Variants in GC observed in about 807,000 individuals in gnomAD.
GC encodes the protein GC vitamin D binding protein, also known as vitamin D-binding protein.
In GC, 43 loss-of-function variants were observed where a neutral mutation model predicts 56.7. That is an observed-to-expected ratio of 0.76 (90% confidence interval 0.59 to 0.98). GC has a LOEUF of 0.98. Ranked by LOEUF, GC falls within the 50% of genes least tolerant of loss-of-function variation. The pLI, the probability that GC is intolerant of heterozygous loss-of-function variation, is 0.00. For synonymous variants in GC, 216 were observed against 202.7 expected, an observed-to-expected ratio of 1.07 and a Z score of -0.56; for missense variants, 529 against 545.9, an observed-to-expected ratio of 0.97 and a Z score of 0.31.
chr4:71,768,197 G>T, intron 3 of GC, 104 bp downstream of exon 3: 1 of 848,644 alleles, frequency 1.2e-6, no homozygotes, highest in Non-Finnish European at 1.8e-6. Context: ...CAAACTAGGA[G>T]TAAATGGAGT....
At chr4:71,756,362 A>G (rs1741768736) in intron 8 of GC, among the ~76,000 whole-genome samples, 1 of 152,206 alleles carries the variant, frequency 6.6e-6, no homozygotes, top group Non-Finnish European at 1.5e-5. Context: ...TCTGTGTGCT[A>G]AGTAAGGCAA....
intron 11 of GC, among the ~76,000 whole-genome samples, chr4:71,752,018 A>T (rs1412387559): frequency 6.6e-6 from 1 of 152,094 alleles, no homozygotes; most frequent in African/African-American, 2.4e-5. Context: ...AATAGAAGGT[A>T]TGATATGACC....
At chr4:71,749,695 T>C (rs1191413433) in intron 11 of GC, among the ~76,000 whole-genome samples, 1 of 152,224 alleles carries the variant, frequency 6.6e-6, no homozygotes, top group African/African-American at 2.4e-5. Context: ...AATTATTTTA[T>C]GCTAAAAATG....
chr4:71,766,019 A>T (rs1316867390), intron 3 of GC, among the ~76,000 whole-genome samples: 3 of 152,182 alleles, frequency 2.0e-5, no homozygotes, highest in Non-Finnish European at 4.4e-5. Flanking sequence ...TTCTGTCATT[A>T]TCTCCCATCT....
At chr4:71,795,250 C>T (rs565031139) in intron 1 of GC, among the ~76,000 whole-genome samples, 95 of 152,284 alleles carry the variant, frequency 6.2e-4, no homozygotes, top group African/African-American at 2.2e-3. Flanking sequence ...CTAATATTGA[C>T]AGTGGCATGT....
intron 11 of GC, among the ~76,000 whole-genome samples, chr4:71,750,837 A>T (rs1456235260): frequency 1.3e-5 from 2 of 152,152 alleles, no homozygotes; most frequent in East Asian, 3.9e-4. Flanking sequence ...GTGAGCCAAG[A>T]TCTCACCACT....
intron 4 of GC, among the ~76,000 whole-genome samples, chr4:71,764,797 G>C (rs533766533): frequency 1.3e-5 from 2 of 151,914 alleles, no homozygotes; most frequent in East Asian, 3.9e-4. Context: ...CATTGCTCCT[G>C]GTTTTTGAAT....
intron 1 of GC, among the ~76,000 whole-genome samples, chr4:71,798,889 AT>A (rs1743178762): frequency 6.6e-6 from 1 of 152,186 alleles, no homozygotes; most frequent in South Asian, 2.1e-4. Context: ...GGCAAGTCTC[AT>A]ATATCCTTTT....
At chr4:71,795,083 T>A (rs1184660183) in intron 1 of GC, among the ~76,000 whole-genome samples, 1 of 152,204 alleles carries the variant, frequency 6.6e-6, no homozygotes, top group South Asian at 2.1e-4. Context: ...TCCAATTACA[T>A]GGTCAATTTT....
At chr4:71,770,970 C>T (rs941328964) in intron 1 of GC, among the ~76,000 whole-genome samples, 5 of 152,112 alleles carry the variant, frequency 3.3e-5, no homozygotes, top group Non-Finnish European at 5.9e-5. Flanking sequence ...TGTAATAGGG[C>T]GGACACATCA....
intron 1 of GC, chr4:71,769,645 C>G (rs2276460): frequency 1.0e-5 from 4 of 392,940 alleles, no homozygotes; most frequent in African/African-American, 2.0e-5. Context: ...TAATACTGAA[C>G]GTAAGTGAGT....
intron 1 of GC, among the ~76,000 whole-genome samples, chr4:71,781,475 T>A (rs116033619): frequency 6.3e-4 from 95 of 151,960 alleles, no homozygotes; most frequent in African/African-American, 1.9e-3. Flanking sequence ...AGTGTGTAAC[T>A]TAAAACTGAG....
rs1578288592 is a variant in GC, at chr4:71,756,912, C to A, written c.834G>T (p.Leu278=). ...CACAGAGTTTTACTGTGTGTTCAGG[C>A]AGCTACAAAACGAATGGTTAGTTTG... The part of the protein sequence containing the change: ...SASEDCMAKE[L]PEHTVKLCDN... The change falls in exon 8 of 13, where the codon CTG becomes CTT. Residue 278 remains leucine (L), a splice_region_variant and synonymous_variant. Transcript: ENST00000273951. 1.2e-6 allele frequency: 2 copies of A among 1,606,164 alleles called. No individual in the cohort carries two copies. Among genetic ancestry groups the A allele is most frequent in the South Asian group, 1.1e-5 (1 of 90,886 alleles).
At chr4:71,765,353 T>C (rs1742120378) in intron 4 of GC, 79 bp downstream of exon 4, 2 of 1,136,178 alleles carry the variant, frequency 1.8e-6, no homozygotes, top group Admixed American at 3.4e-5. Flanking sequence ...AAGAGGTGTT[T>C]CCACAGAGTA....
chr4:71,796,939 T>A (rs1231630106), intron 1 of GC, among the ~76,000 whole-genome samples: 1 of 152,254 alleles, frequency 6.6e-6, no homozygotes, highest in Non-Finnish European at 1.5e-5. Context: ...GTTGCAGGTC[T>A]GTCGGAGTTT....
intron 10 of GC, 91 bp from the exon 11 acceptor site, chr4:71,752,741 C>T (rs1399487293): frequency 3.5e-6 from 4 of 1,151,764 alleles, no homozygotes; most frequent in African/African-American, 1.6e-5. Flanking sequence ...AGATCTTTTA[C>T]AATAAAAATG....
At chr4:71,792,118 A>G (rs1286023667) in intron 1 of GC, among the ~76,000 whole-genome samples, 2 of 152,200 alleles carry the variant, frequency 1.3e-5, no homozygotes, top group Non-Finnish European at 2.9e-5. Context: ...TAGTGCTGCA[A>G]TAAACATATG....
intron 8 of GC, among the ~76,000 whole-genome samples, 195 bp downstream of exon 8, chr4:71,756,517 C>T (rs754062128): frequency 1.1e-4 from 17 of 152,098 alleles, no homozygotes; most frequent in Non-Finnish European, 1.2e-4. Flanking sequence ...CTATCACACT[C>T]GATTATGGTG....
At chr4:71,796,064 A>G (rs1743095586) in intron 1 of GC, among the ~76,000 whole-genome samples, 2 of 152,162 alleles carry the variant, frequency 1.3e-5, no homozygotes, top group East Asian at 3.9e-4. Flanking sequence ...GGGTAACCCG[A>G]CCTTTCTCTC....
Sources: gnomAD v4.1 joint callset for allele counts (sites outside exome capture counted in the v4.1 genomes callset) on GRCh38, gnomAD v4.1.1 for gene constraint, MANE v1.5 for transcripts, NCBI Gene and HGNC (gene_info 2026-07-23, HGNC 2026-07-21) for gene names.